Variants in KIAA1614 observed in about 807,000 individuals in gnomAD.
KIAA1614 encodes KIAA1614.
KIAA1614 carries 76 observed loss-of-function variants against 88.7 expected under a neutral mutation model. The observed-to-expected ratio is 0.86, with a 90% CI of 0.71 to 1.04. The LOEUF (loss-of-function observed/expected upper bound fraction) is 1.04. Ranked by LOEUF, KIAA1614 falls within the 50% of genes least tolerant of loss-of-function variation. KIAA1614 has a pLI of 0.00. For missense variants in KIAA1614, 1,553 were observed against 1,582.5 expected, an observed-to-expected ratio of 0.98 and a Z score of 0.32; for synonymous variants, 714 against 675.5, an observed-to-expected ratio of 1.06 and a Z score of -0.88.
At chr1:180,917,574 G>A (rs1653847677) in intron 2 of KIAA1614, among the ~76,000 whole-genome samples, 1 of 151,996 alleles carries the variant, frequency 6.6e-6, no homozygotes, top group Non-Finnish European at 1.5e-5. Flanking sequence ...AAACCCTAGA[G>A]GACAGCCTCT....
At chr1:180,922,801 A>T (rs1046310829) in intron 3 of KIAA1614, among the ~76,000 whole-genome samples, 6 of 151,998 alleles carry the variant, frequency 3.9e-5, no homozygotes, top group Admixed American at 1.3e-4. Flanking sequence ...CTGTGATTCC[A>T]CTCAGTTCTG....
In KIAA1614 at chr1:180,935,726, C is replaced by G. The variant is rs781716381; in HGVS notation, c.1817C>G (p.Ala606Gly). 2 of 1,613,778 alleles carry G rather than the reference C, an allele frequency of 1.2e-6. No individual in the cohort carries two copies. The highest frequency in any genetic ancestry group is 1.7e-6 in the Non-Finnish European group (2 of 1,179,946). Residue 606 changes from alanine (A) to glycine (G), a missense_variant, in exon 5 of 9, where the codon GCG (alanine) becomes GGG (glycine). Ala to Gly is a moderately conservative substitution (Grantham distance 60). Coordinates refer to ENST00000367588, the MANE Select transcript of KIAA1614 (RefSeq NM_020950.2). This position sits in a 1 kb window ranked among gnomAD's most constrained non-coding sequence, Gnocchi z 6.1. ...ETHIGDTVCPAEVDSALDSTD... is the reference protein window; with the variant it reads ...ETHIGDTVCPGEVDSALDSTD... ...CACATCGGAGACACCGTGTGCCCTG[C>G]GGAGGTGGACTCTGCCCTGGACAGC... is the stretch of plus-strand genomic sequence containing the variant.
At position 180,916,676 on chromosome 1, in the gene KIAA1614, A is replaced by T. The variant is rs373310648; in HGVS notation, c.573A>T (p.Glu191Asp). The change falls in exon 2 of 9, where the codon GAA (glutamate) becomes GAT (aspartate). Residue 191 changes from glutamate to aspartate, a missense_variant. Transcript: ENST00000367588. ...GGAGCCCGTGGCCTCCAGAAGCCGA[A>T]TGGACACTTCCTGACCATGACAGAG... ...NRGSPWPPEA[E>D]WTLPDHDRGP... 1.2e-6 allele frequency: 2 copies of T among 1,604,342 alleles called. No homozygotes were observed. The highest frequency in any genetic ancestry group is 1.7e-4 in the Middle Eastern group (1 of 6,034).
At chr1:180,923,791 C>T (rs189652205) in intron 3 of KIAA1614, among the ~76,000 whole-genome samples, 2 of 152,164 alleles carry the variant, frequency 1.3e-5, no homozygotes, top group Non-Finnish European at 2.9e-5. Context: ...CCCAGCACCA[C>T]CCCAGCATGC....
In KIAA1614 at chr1:180,946,466, T is replaced by C. The variant is rs982196028; in HGVS notation, c.*878T>C. On this transcript the variant is annotated 3_prime_UTR_variant, in exon 9 of 9. Transcript: ENST00000367588. Reference sequence around the variant, plus strand: ...CTCAGTTCCACCCCATCCATGAGTCTTTCAGGGCAACGTGACTTGCAAAAG... The same window carrying C: ...CTCAGTTCCACCCCATCCATGAGTCCTTCAGGGCAACGTGACTTGCAAAAG... 6.6e-6 allele frequency: 1 copy of C among 152,242 alleles called. No individual in the cohort carries two copies. Among genetic ancestry groups the C allele is most frequent in the African/African-American group, 2.4e-5 (1 of 41,452 alleles). The allele number at this position is 152,242 out of a possible 1,614,324, so 9.4% of individuals were successfully genotyped here.
chr1:180,926,474 GAAA>G (rs60582450), intron 3 of KIAA1614, among the ~76,000 whole-genome samples: 157 of 126,882 alleles, frequency 1.2e-3, no homozygotes, highest in South Asian at 6.0e-3. Flanking sequence ...CAGCTGATGA[GAAA>G]AAAAAAAAAA....
At position 180,947,199 on chromosome 1, in the gene KIAA1614, G is replaced by C. The variant is rs1477905309; in HGVS notation, c.*1611G>C. ...GGCCTGTGAGAACTGTGAGGGTCAG[G>C]CTGGACACTGCAGAGCAGGCAACGG... On this transcript the variant is annotated 3_prime_UTR_variant, in exon 9 of 9. Coordinates refer to ENST00000367588, the MANE Select transcript of KIAA1614 (RefSeq NM_020950.2). 1.3e-5 allele frequency: 2 copies of C among 152,370 alleles called. No individual in the cohort carries two copies. The highest frequency in any genetic ancestry group is 2.9e-5 in the Non-Finnish European group (2 of 68,132). The allele number at this position is 152,370 out of a possible 1,614,324, so 9.4% of individuals were successfully genotyped here.
chr1:180,935,957 T>G lies in KIAA1614; in HGVS notation c.2048T>G (p.Val683Gly). 1.2e-6 allele frequency: 2 copies of G among 1,613,892 alleles called. No individual in the cohort carries two copies. The highest frequency in any genetic ancestry group is 8.5e-7 in the Non-Finnish European group (1 of 1,179,876). Residue 683 changes from valine (V) to glycine (G), a missense_variant, in exon 5 of 9, where the codon GTG becomes GGG. Transcript: ENST00000367588. This position sits in a 1 kb window ranked among gnomAD's most constrained non-coding sequence, Gnocchi z 6.1. Reference sequence around the variant, plus strand: ...CAACACCTGCCTAGGGCTGATGATGTGGAGGTGGAAAATGAGGTGAAAGAG... The same window carrying G: ...CAACACCTGCCTAGGGCTGATGATGGGGAGGTGGAAAATGAGGTGAAAGAG... ...AQQHLPRADD[V>G]EVENEVKEGR...
chr1:180,938,813 G>A, intron 6 of KIAA1614, 102 bp downstream of exon 6: 1 of 1,067,262 alleles, frequency 9.4e-7, no homozygotes, highest in Non-Finnish European at 1.4e-6. Flanking sequence ...CCACCTCCCT[G>A]CCCCTAGTCT....
In KIAA1614 at chr1:180,945,575, T is replaced by C; in HGVS notation, c.3560T>C (p.Leu1187Pro). The C allele has an allele frequency of 6.2e-7, 1 of 1,611,872 alleles. No homozygotes were observed. The highest frequency in any genetic ancestry group is 1.3e-5 in the African/African-American group (1 of 74,826). Residue 1187 changes from leucine to proline, a missense_variant, in exon 9 of 9, where the codon CTG (leucine) becomes CCG (proline). Transcript: ENST00000367588. ...TTCTGGCTGTGGTCAGAGGCTTTTC[T>C]GGTCTTTGGCTGAGCCGTGCAGCTC... ...RAFWLWSEAF[L>P]VFG
Position 180,935,181 on chromosome 1 carries a change from C to CG in KIAA1614, c.1275dup (p.His426AlafsTer28). On this transcript the variant is annotated frameshift_variant, in exon 5 of 9. Transcript: ENST00000367588. LOFTEE classifies it high-confidence loss of function. This position sits in a 1 kb window ranked among gnomAD's most constrained non-coding sequence, Gnocchi z 6.1. ...CTGCCTGCAGAGACAGCCTCCAGAA[C>CG]GGGCACACGAGCGATTCCTCCAGCG... 2.0e-6 allele frequency: 3 copies of CG among 1,476,670 alleles called. No individual in the cohort carries two copies. Among genetic ancestry groups the CG allele is most frequent in the Non-Finnish European group, 2.7e-6 (3 of 1,114,360 alleles). 91.5% of individuals were successfully genotyped at this position (1,476,670 alleles called of 1,614,324 possible).
chr1:180,916,753 C>T lies in KIAA1614; in HGVS notation c.650C>T (p.Thr217Ile), dbSNP rs765264410. Residue 217 changes from threonine to isoleucine, a missense_variant, in exon 2 of 9, where the codon ACT (threonine) becomes ATT (isoleucine). Thr to Ile is a moderately conservative substitution (Grantham distance 89). Transcript: ENST00000367588. ...SLQQSPIHGVTPGRPGGPGHC... is the reference protein window; with the variant it reads ...SLQQSPIHGVIPGRPGGPGHC... ...CAACAGAGCCCGATCCATGGAGTTACTCCCGGACGGCCTGGGGGTCCTGGT... is the reference window on the plus strand; with the variant it reads ...CAACAGAGCCCGATCCATGGAGTTATTCCCGGACGGCCTGGGGGTCCTGGT... The T allele has an allele frequency of 6.8e-6, 11 of 1,614,204 alleles. No individual in the cohort carries two copies. The South Asian group carries it at 1.2e-4, about 18-fold the overall frequency.
chr1:180,945,427 C>G lies in KIAA1614; in HGVS notation c.3412C>G (p.Arg1138Gly). 4 of 1,608,632 alleles carry G rather than the reference C, an allele frequency of 2.5e-6. No homozygotes were observed. The highest frequency in any genetic ancestry group is 3.4e-6 in the Non-Finnish European group (4 of 1,178,416). The part of the protein sequence containing the change: ...PDGTSQLQLQ[R>G]SPGGTFGFCV... Reference sequence around the variant, plus strand: ...CGGCACCAGCCAGCTGCAGCTGCAGCGCTCCCCAGGGGGCACTTTCGGCTT... The same window carrying G: ...CGGCACCAGCCAGCTGCAGCTGCAGGGCTCCCCAGGGGGCACTTTCGGCTT... The change falls in exon 9 of 9, where the codon CGC (arginine) becomes GGC (glycine). Residue 1138 changes from arginine to glycine, a missense_variant. By Grantham distance (125) the Arg-to-Gly change is moderately radical. Transcript: ENST00000367588.
chr1:180,945,107 G>T (rs1446869666), intron 8 of KIAA1614, 196 bp from the exon 9 acceptor site: 1 of 564,026 alleles, frequency 1.8e-6, no homozygotes, highest in Non-Finnish European at 3.0e-6. Flanking sequence ...GCAGGCCTTG[G>T]GGGGCCTTGC....
chr1:180,933,967 C>T, intron 4 of KIAA1614, among the ~76,000 whole-genome samples: 1 of 119,490 alleles, frequency 8.4e-6, no homozygotes, highest in Middle Eastern at 3.7e-3. Context: ...GAAACCCTGA[C>T]TTTAAGGCCG....
chr1:180,932,170 C>A (rs947116128), intron 4 of KIAA1614, among the ~76,000 whole-genome samples: 1 of 152,002 alleles, frequency 6.6e-6, no homozygotes, highest in African/African-American at 2.4e-5. Flanking sequence ...AAAAGAAAAT[C>A]ATCACCACCA....
chr1:180,950,912 T>A lies in KIAA1614; in HGVS notation c.*5324T>A. The A allele has an allele frequency of 6.6e-6, 1 of 152,494 alleles. No individual in the cohort carries two copies. The highest frequency in any genetic ancestry group is 1.5e-5 in the Non-Finnish European group (1 of 68,186). 9.4% of individuals were successfully genotyped at this position (152,494 alleles called of 1,614,324 possible). A position where few individuals can be genotyped will look rare whatever the true frequency, so the allele number is the denominator to read the frequency against. On this transcript the variant is annotated 3_prime_UTR_variant, in exon 9 of 9. Transcript: ENST00000367588. The stretch of plus-strand genomic sequence containing the variant: ...CCATGCCTGGTCAAAGGCTACAGCC[T>A]CCAACACTGTGGAACCAAAGAAAGC...
intron 3 of KIAA1614, among the ~76,000 whole-genome samples, chr1:180,922,477 T>C (rs921716098): frequency 2.0e-5 from 3 of 151,960 alleles, no homozygotes; most frequent in Non-Finnish European, 4.4e-5. Flanking sequence ...CTGCTGGGAT[T>C]CCTTGGGGGG....
chr1:180,928,211 GC>G, intron 3 of KIAA1614: 1 of 495,240 alleles, frequency 2.0e-6, no homozygotes. Flanking sequence ...CAGCTCCCCA[GC>G]CCCCATCCAG....
Sources: allele counts gnomAD v4.1 joint callset (sites outside exome capture counted in the v4.1 genomes callset), GRCh38; gene constraint gnomAD v4.1.1; non-coding constraint Gnocchi (gnomAD v3.1); transcripts MANE v1.5; gene names NCBI Gene and HGNC (gene_info 2026-07-23, HGNC 2026-07-21).